Variants in ESRRB observed in about 807,000 individuals in gnomAD.
ESRRB encodes steroid hormone receptor ERR2.
In ESRRB, 16 loss-of-function variants were observed where a neutral mutation model predicts 46.0. The observed-to-expected ratio is 0.35, with a 90% CI of 0.24 to 0.53. The LOEUF (loss-of-function observed/expected upper bound fraction) is 0.53. ESRRB is among the 20% of genes least tolerant of loss of function. ESRRB has a pLI of 0.93. For synonymous variants in ESRRB, 246 were observed against 259.6 expected (o/e 0.95, Z 0.50); for missense variants, 488 against 607.4 (o/e 0.80, Z 2.07).
chr14:76,348,642 G>A (rs1236214428), intron 1 of ESRRB, among the ~76,000 whole-genome samples: 1 of 152,206 alleles, frequency 6.6e-6, no homozygotes, highest in African/African-American at 2.4e-5. Context: ...GGATGCTATA[G>A]AGCTTAGAGT....
chr14:76,327,310 C>T (rs371734498), intron 1 of ESRRB, among the ~76,000 whole-genome samples: 16 of 152,324 alleles, frequency 1.1e-4, no homozygotes, highest in African/African-American at 3.1e-4. Flanking sequence ...CTCTCTGACA[C>T]GCCTGGAAAC....
intron 1 of ESRRB, among the ~76,000 whole-genome samples, chr14:76,324,092 C>T (rs1458826047): frequency 6.6e-6 from 1 of 152,078 alleles, no homozygotes; most frequent in East Asian, 1.9e-4. Context: ...TGGGCAAGAG[C>T]TGTGTTGAGG....
intron 3 of ESRRB, among the ~76,000 whole-genome samples, chr14:76,476,176 G>A (rs1889578658): frequency 6.6e-6 from 1 of 151,892 alleles, no homozygotes. Context: ...ACAGGGTCAT[G>A]TATTCCAGGG....
intron 3 of ESRRB, among the ~76,000 whole-genome samples, chr14:76,479,948 A>T (rs1276365775): frequency 6.6e-6 from 1 of 151,974 alleles, no homozygotes; most frequent in Non-Finnish European, 1.5e-5. Flanking sequence ...GCTCACTGCA[A>T]CCTCCACCTC....
At chr14:76,337,874 C>T (rs1349368655) in intron 1 of ESRRB, among the ~76,000 whole-genome samples, 1 of 152,226 alleles carries the variant, frequency 6.6e-6, no homozygotes, top group Non-Finnish European at 1.5e-5. Flanking sequence ...TGTGTGGACA[C>T]AAGCTCCGGG....
At chr14:76,473,038 C>T (rs1037557605) in intron 3 of ESRRB, among the ~76,000 whole-genome samples, 1 of 152,182 alleles carries the variant, frequency 6.6e-6, no homozygotes, top group African/African-American at 2.4e-5. Context: ...CTTCCTAGGG[C>T]ATTCTGAGGT....
intron 1 of ESRRB, among the ~76,000 whole-genome samples, chr14:76,362,178 G>A (rs1884472364): frequency 6.6e-6 from 1 of 152,172 alleles, no homozygotes; most frequent in Non-Finnish European, 1.5e-5. Context: ...TGTCTGCTAC[G>A]TGCTAGGCAC....
intron 1 of ESRRB, among the ~76,000 whole-genome samples, chr14:76,436,689 C>G (rs1887689452): frequency 6.6e-6 from 1 of 152,172 alleles, no homozygotes; most frequent in Non-Finnish European, 1.5e-5. Context: ...GGCTGATGGT[C>G]TTTCCTGGGG....
At chr14:76,335,112 C>T (rs1047353681) in intron 1 of ESRRB, among the ~76,000 whole-genome samples, 1 of 152,220 alleles carries the variant, frequency 6.6e-6, no homozygotes, top group Non-Finnish European at 1.5e-5. Flanking sequence ...TTCACCACCA[C>T]TGGGTCCTGG....
intron 1 of ESRRB, among the ~76,000 whole-genome samples, chr14:76,418,444 A>G (rs1248348219): frequency 6.6e-6 from 1 of 152,152 alleles, no homozygotes; most frequent in African/African-American, 2.4e-5. Flanking sequence ...ACTAACCTCC[A>G]TACTTTATTG....
At chr14:76,394,359 T>C (rs1432189191) in intron 1 of ESRRB, among the ~76,000 whole-genome samples, 2 of 152,238 alleles carry the variant, frequency 1.3e-5, no homozygotes, top group East Asian at 3.8e-4. Flanking sequence ...ATCTTCTGAC[T>C]GCCCACTATG....
In ESRRB at chr14:76,376,975, C is replaced by T. The variant is rs1884793255; in HGVS notation, c.50+524C>T. On this transcript the variant is annotated intron_variant, in intron 1 of 6. Coordinates refer to ENST00000644823, the MANE Select transcript of ESRRB (RefSeq NM_001379180.1). The surrounding 1 kb of genome is among the most constrained non-coding windows in gnomAD (Gnocchi z 4.1). ...TGCAGGCGGCCAGTGCCGCTCTCGC[C>T]TCGCGGTCTCCGTGGGGCGCCCCGA... Among the ~76,000 whole-genome samples the T allele has an allele frequency of 6.6e-6, 1 of 152,230 alleles. No homozygotes were observed. The highest frequency in any genetic ancestry group is 1.5e-5 in the Non-Finnish European group (1 of 68,036).
At chr14:76,323,055 C>G (rs1208174667) in intron 1 of ESRRB, among the ~76,000 whole-genome samples, 1 of 152,148 alleles carries the variant, frequency 6.6e-6, no homozygotes, top group Non-Finnish European at 1.5e-5. Context: ...CTTCTGAATG[C>G]AGTGGGTGGG....
intron 3 of ESRRB, among the ~76,000 whole-genome samples, chr14:76,466,065 C>T (rs1708856975): frequency 6.6e-6 from 1 of 152,204 alleles, no homozygotes; most frequent in African/African-American, 2.4e-5. Flanking sequence ...CCCCCCAAGA[C>T]CAGCGTGGGC....
chr14:76,353,589 G>A (rs1884339846), intron 1 of ESRRB, among the ~76,000 whole-genome samples: 1 of 152,176 alleles, frequency 6.6e-6, no homozygotes, highest in Non-Finnish European at 1.5e-5. Flanking sequence ...GACAAGAGAA[G>A]AAACTATAAG....
intron 1 of ESRRB, among the ~76,000 whole-genome samples, chr14:76,317,799 CT>C (rs145327835): frequency 0.012 from 1,861 of 152,248 alleles, 45 homozygotes; most frequent in African/African-American, 0.042. Context: ...AAATGAGCCA[CT>C]GGGAGAGATC....
intron 1 of ESRRB, among the ~76,000 whole-genome samples, chr14:76,325,816 G>T (rs1249081103): frequency 2.0e-5 from 3 of 152,226 alleles, no homozygotes; most frequent in African/African-American, 7.2e-5. Context: ...GGGCGCGCTG[G>T]CCCGCAGTAA....
At chr14:76,424,363 G>A (rs533524643) in intron 1 of ESRRB, among the ~76,000 whole-genome samples, 9 of 152,192 alleles carry the variant, frequency 5.9e-5, no homozygotes, top group African/African-American at 2.2e-4. Context: ...TGAGCCCTAA[G>A]CTTCCTATGT....
chr14:76,337,857 A>G (rs1884146045), intron 1 of ESRRB, among the ~76,000 whole-genome samples: 1 of 152,174 alleles, frequency 6.6e-6, no homozygotes, highest in Non-Finnish European at 1.5e-5. Context: ...GACACGGTGT[A>G]GGGTTTTGTG....
Sources: gnomAD v4.1 joint callset for allele counts (sites outside exome capture counted in the v4.1 genomes callset) on GRCh38, gnomAD v4.1.1 for gene constraint, Gnocchi (gnomAD v3.1) non-coding constraint, MANE v1.5 for transcripts, NCBI Gene and HGNC (gene_info 2026-07-23, HGNC 2026-07-21) for gene names.